SLC25A16: variants seen among roughly 807,000 people sequenced by gnomAD.
SLC25A16 encodes mitochondrial coenzyme A transporter SLC25A16.
In SLC25A16, 39 loss-of-function variants were observed where a neutral mutation model predicts 41.5. That is an observed-to-expected ratio of 0.94 (90% CI 0.73 to 1.23). The LOEUF is 1.23. Among genes scored for constraint, SLC25A16 ranks in the 50% most tolerant of loss-of-function variants. The pLI is 0.00. For synonymous variants in SLC25A16, 146 were observed against 147.8 expected (o/e 0.99, Z 0.09); for missense variants, 421 against 426.9 (o/e 0.99, Z 0.12).
chr10:68,497,077 G>A lies in SLC25A16; in HGVS notation c.422-3507C>T, dbSNP rs1475441851. On this transcript the variant is annotated intron_variant, in intron 4 of 8. Coordinates refer to ENST00000609923, the MANE Select transcript of SLC25A16 (RefSeq NM_152707.4). The stretch of plus-strand genomic sequence containing the variant: ...GCATAATACAGGGTTGAAGTATATG[G>A]ACATTTACAGACCCTCATCAATTCA... 2.0e-5 allele frequency among the ~76,000 whole-genome samples: 3 copies of A among 152,174 alleles called. 1 individual carries two copies. In the South Asian group the frequency reaches 6.2e-4, roughly 32 times the overall value.
At chr10:68,496,134 C>T (rs559231355) in intron 4 of SLC25A16, among the ~76,000 whole-genome samples, 2 of 152,268 alleles carry the variant, frequency 1.3e-5, no homozygotes, top group South Asian at 4.1e-4. Flanking sequence ...CCCTTGCCCC[C>T]CATCTGTCTC....
At chr10:68,495,555 G>A (rs1248550359) in intron 4 of SLC25A16, among the ~76,000 whole-genome samples, 1 of 152,040 alleles carries the variant, frequency 6.6e-6, no homozygotes, top group Non-Finnish European at 1.5e-5. Flanking sequence ...AGGCCAAGGT[G>A]GGTGGATCAC....
At chr10:68,505,987 G>A (rs1038222994) in intron 3 of SLC25A16, among the ~76,000 whole-genome samples, 2 of 150,862 alleles carry the variant, frequency 1.3e-5, no homozygotes, top group Non-Finnish European at 2.9e-5. Flanking sequence ...AGCCAAGAGT[G>A]CACCACTGCA....
intron 6 of SLC25A16, among the ~76,000 whole-genome samples, chr10:68,489,366 G>A (rs2052618992): frequency 6.6e-6 from 1 of 152,160 alleles, no homozygotes. Flanking sequence ...TTTTAACTAA[G>A]TGTCTAAGTT....
intron 1 of SLC25A16, among the ~76,000 whole-genome samples, chr10:68,526,021 T>C (rs2053331926): frequency 6.6e-6 from 1 of 151,790 alleles, no homozygotes; most frequent in African/African-American, 2.4e-5. Context: ...TTTCTCCCCA[T>C]GTGATAGTCT....
chr10:68,521,722 T>C (rs1425466555), intron 1 of SLC25A16, among the ~76,000 whole-genome samples: 3 of 149,494 alleles, frequency 2.0e-5, no homozygotes, highest in African/African-American at 7.3e-5. Context: ...GCCTCCCAAG[T>C]AGCTGGGACT....
intron 4 of SLC25A16, among the ~76,000 whole-genome samples, chr10:68,500,361 G>A (rs1442414547): frequency 6.6e-6 from 1 of 152,118 alleles, no homozygotes; most frequent in African/African-American, 2.4e-5. Flanking sequence ...ACGCTGGAGT[G>A]TAGTAACGCG....
At chr10:68,493,947 T>C (rs2052705776) in intron 4 of SLC25A16, among the ~76,000 whole-genome samples, 1 of 152,170 alleles carries the variant, frequency 6.6e-6, no homozygotes, top group South Asian at 2.1e-4. Flanking sequence ...CATCCATGGA[T>C]TGAAGCAACC....
Position 68,523,623 on chromosome 10 carries a change from C to G in SLC25A16, c.130+3623G>C, listed in dbSNP as rs150255458. ...AAGTAGCTGGGACTACAGGTGCGTG[C>G]CACCAAGCCTGGCTAGTTTTTTTGT... On this transcript the variant is annotated intron_variant, in intron 1 of 8. Transcript: ENST00000609923. 3.5e-3 allele frequency among the ~76,000 whole-genome samples: 527 copies of G among 152,132 alleles called. 4 individuals carry two copies. Among genetic ancestry groups the G allele is most frequent in the African/African-American group, 0.012 (499 of 41,508 alleles).
intron 2 of SLC25A16, among the ~76,000 whole-genome samples, chr10:68,509,818 C>A (rs896765638): frequency 6.6e-6 from 1 of 151,512 alleles, no homozygotes; most frequent in South Asian, 2.1e-4. Flanking sequence ...AAAGGCCAGG[C>A]GCGGTGACTC....
chr10:68,502,052 C>T (rs534282712), intron 4 of SLC25A16, among the ~76,000 whole-genome samples: 75 of 151,830 alleles, frequency 4.9e-4, no homozygotes, highest in Middle Eastern at 3.4e-3. Flanking sequence ...AAAAATCAGC[C>T]GGGCATGGTG....
At position 68,488,638 on chromosome 10, in the gene SLC25A16, C is replaced by CA. The variant is rs2052605261; in HGVS notation, c.611-10dup. 1 of 1,608,180 alleles carries CA rather than the reference C, an allele frequency of 6.2e-7. No individual in the cohort carries two copies. Among genetic ancestry groups the CA allele is most frequent in the Non-Finnish European group, 8.5e-7 (1 of 1,177,002 alleles). ...AGTAAAAAATGAAACACCTGAAAAA[C>CA]AAAAAATAAATTCACCATGATGCTT... On this transcript the variant is annotated splice_polypyrimidine_tract_variant and intron_variant, in intron 6 of 8. Coordinates refer to ENST00000609923, the MANE Select transcript of SLC25A16 (RefSeq NM_152707.4).
chr10:68,500,739 T>C (rs919887278), intron 4 of SLC25A16, among the ~76,000 whole-genome samples: 3 of 151,590 alleles, frequency 2.0e-5, no homozygotes, highest in Admixed American at 1.3e-4. Context: ...GAGACCAGCC[T>C]GGCCAACATA....
At chr10:68,523,064 T>A (rs1224781125) in intron 1 of SLC25A16, among the ~76,000 whole-genome samples, 2 of 152,196 alleles carry the variant, frequency 1.3e-5, no homozygotes, top group African/African-American at 4.8e-5. Context: ...TTTGTCAAAG[T>A]GCATTTAACT....
At chr10:68,510,501 C>T (rs1175665756) in intron 2 of SLC25A16, among the ~76,000 whole-genome samples, 3 of 152,016 alleles carry the variant, frequency 2.0e-5, no homozygotes, top group Admixed American at 6.6e-5. Context: ...GAGATCGTGC[C>T]ATTGCACTCC....
chr10:68,506,187 G>C (rs1174097757), intron 3 of SLC25A16, among the ~76,000 whole-genome samples: 2 of 152,040 alleles, frequency 1.3e-5, no homozygotes, highest in East Asian at 3.8e-4. Flanking sequence ...GTAACTTTTT[G>C]GCCTGGTACC....
Position 68,499,692 on chromosome 10 carries a change from T to G in SLC25A16, c.421+3940A>C, listed in dbSNP as rs1356350995. 3 of 356,874 alleles carry G rather than the reference T, an allele frequency of 8.4e-6. No homozygotes were observed. In the East Asian group the frequency reaches 1.9e-4, roughly 23 times the overall value. 22.1% of individuals were successfully genotyped at this position (356,874 alleles called of 1,614,324 possible). A position where few individuals can be genotyped will look rare whatever the true frequency, so the allele number is the denominator to read the frequency against. On this transcript the variant is annotated intron_variant, in intron 4 of 8. Transcript: ENST00000609923. ...TCCATGCCCATCCGAAAGGTTTTGA[T>G]GAAGGTCAGGTTGTATGAGGACACT...
At chr10:68,526,539 G>T (rs992410140) in intron 1 of SLC25A16, among the ~76,000 whole-genome samples, 1 of 152,050 alleles carries the variant, frequency 6.6e-6, no homozygotes, top group Non-Finnish European at 1.5e-5. Context: ...CCTTATTTCT[G>T]TCTCTATACT....
At chr10:68,493,040 A>T in intron 6 of SLC25A16, 92 bp downstream of exon 6, 1 of 750,444 alleles carries the variant, frequency 1.3e-6, no homozygotes, top group Non-Finnish European at 2.3e-6. Flanking sequence ...CTTAACAGAT[A>T]ACATCTTTTT....
Sources: allele counts gnomAD v4.1 joint callset (sites outside exome capture counted in the v4.1 genomes callset), GRCh38; gene constraint gnomAD v4.1.1; transcripts MANE v1.5; gene names NCBI Gene and HGNC (gene_info 2026-07-23, HGNC 2026-07-21).